The following TRPV4 variants were observed in gnomAD, a reference collection of about 807,000 sequenced individuals.
TRPV4 encodes the protein OSM9-like transient receptor potential channel 4.
A neutral mutation model predicts 84.1 loss-of-function variants in TRPV4; 58 were observed. The observed-to-expected ratio is 0.69, with a 90% CI of 0.56 to 0.86. The LOEUF (loss-of-function observed/expected upper bound fraction) is 0.86. Among genes scored for constraint, TRPV4 ranks in the 40% least tolerant of loss-of-function variants. The pLI, the probability that TRPV4 is intolerant of heterozygous loss-of-function variation, is 0.00. For missense variants in TRPV4, 879 were observed against 1,181.1 expected (o/e 0.74, Z 3.75); for synonymous variants, 489 against 500.9 (o/e 0.98, Z 0.32).
At chr12:109,788,828 G>T in intron 12 of TRPV4, 112 bp from the exon 13 acceptor site, 1 of 1,248,828 alleles carries the variant, frequency 8.0e-7, no homozygotes, top group Non-Finnish European at 1.1e-6. Flanking sequence ...AGCGGAGCAC[G>T]CTGGCCCACA....
chr12:109,822,848 G>T (rs1001758651), intron 1 of TRPV4, among the ~76,000 whole-genome samples: 1 of 152,228 alleles, frequency 6.6e-6, no homozygotes, highest in Non-Finnish European at 1.5e-5. Flanking sequence ...ACTGAGCCCA[G>T]TGCCTGGTAC....
rs770836806 is a variant in TRPV4 at position 109,788,386 on chromosome 12, C to T, written c.2208+14G>A. 5.6e-6 allele frequency: 9 copies of T among 1,609,964 alleles called. No homozygotes were observed. The highest frequency in any genetic ancestry group is 5.9e-6 in the Non-Finnish European group (7 of 1,178,516). ...GTGGCTGGTAGAGTGGGGCTGGGGGCCCTGGGGCCTCACCTGCAGCTTCCA... is the reference window on the plus strand; with the variant it reads ...GTGGCTGGTAGAGTGGGGCTGGGGGTCCTGGGGCCTCACCTGCAGCTTCCA... On this transcript the variant is annotated intron_variant, in intron 13 of 15. Transcript: ENST00000261740.
At chr12:109,801,370 G>A (rs899243862) in intron 4 of TRPV4, among the ~76,000 whole-genome samples, 5 of 152,138 alleles carry the variant, frequency 3.3e-5, no homozygotes, top group African/African-American at 4.8e-5. Flanking sequence ...TTTAATCATG[G>A]GGGCAGTTAC....
At chr12:109,826,917 C>T (rs898786733) in intron 1 of TRPV4, among the ~76,000 whole-genome samples, 1 of 152,196 alleles carries the variant, frequency 6.6e-6, no homozygotes, top group Admixed American at 6.5e-5. Context: ...TGATGTCACT[C>T]GGACAAAAGC....
chr12:109,801,483 T>C (rs1890779999), intron 4 of TRPV4, among the ~76,000 whole-genome samples: 1 of 152,170 alleles, frequency 6.6e-6, no homozygotes, highest in African/African-American at 2.4e-5. Context: ...CCTACCACCA[T>C]GTGAAGAAGG....
In TRPV4 at chr12:109,783,532, G is replaced by A. The variant is rs1889465630; in HGVS notation, c.*89C>T. Reference sequence around the variant, plus strand: ...GTCCCTCGCCTCTGGGGCCAAAGCAGGGTGTGGGGGGACACCCCAGAAGGC... The same window carrying A: ...GTCCCTCGCCTCTGGGGCCAAAGCAAGGTGTGGGGGGACACCCCAGAAGGC... On this transcript the variant is annotated 3_prime_UTR_variant, in exon 16 of 16. Coordinates refer to ENST00000261740, the MANE Select transcript of TRPV4 (RefSeq NM_021625.5). This position sits in a 1 kb window ranked among gnomAD's most constrained non-coding sequence, Gnocchi z 4.6. 6.6e-7 allele frequency: 1 copy of A among 1,521,972 alleles called. No individual in the cohort carries two copies. The highest frequency in any genetic ancestry group is 8.9e-7 in the Non-Finnish European group (1 of 1,125,406). The allele number at this position is 1,521,972 out of a possible 1,614,324, so 94.3% of individuals were successfully genotyped here.
chr12:109,807,612 C>T (rs994469638), intron 3 of TRPV4, among the ~76,000 whole-genome samples: 6 of 152,234 alleles, frequency 3.9e-5, no homozygotes, highest in African/African-American at 1.4e-4. Flanking sequence ...TAATGGCTTA[C>T]CCAGAACCCA....
intron 3 of TRPV4, among the ~76,000 whole-genome samples, chr12:109,803,875 C>G (rs954105378): frequency 1.3e-5 from 2 of 152,208 alleles, no homozygotes; most frequent in Non-Finnish European, 2.9e-5. Context: ...CATACACTAA[C>G]AGGGACTGTG....
intron 7 of TRPV4, 145 bp from the exon 8 acceptor site, chr12:109,794,632 T>A: frequency 5.8e-6 from 5 of 863,608 alleles, no homozygotes; most frequent in Non-Finnish European, 9.5e-6. Context: ...CACGGATTCA[T>A]GAATGGATTC....
intron 1 of TRPV4, among the ~76,000 whole-genome samples, chr12:109,823,785 G>C (rs527391824): frequency 5.3e-5 from 8 of 152,130 alleles, no homozygotes; most frequent in Non-Finnish European, 1.0e-4. Flanking sequence ...CGTTTTAAAA[G>C]ACTGAGTTAT....
rs1179959263 is a variant in TRPV4 at position 109,786,086 on chromosome 12, A to G, written c.2336+624T>C. 1.3e-5 allele frequency among the ~76,000 whole-genome samples: 2 copies of G among 152,180 alleles called. No homozygotes were observed. Among genetic ancestry groups the G allele is most frequent in the East Asian group, 3.9e-4 (2 of 5,180 alleles). On this transcript the variant is annotated intron_variant, in intron 14 of 15. Transcript: ENST00000261740. This position sits in a 1 kb window ranked among gnomAD's most constrained non-coding sequence, Gnocchi z 4.5. ...TATTGTTCCCATTTCACAGATGAAG[A>G]AACTGACTTTGTCTGACTCCAAACA...
At chr12:109,817,776 A>G (rs1249739385) in intron 1 of TRPV4, among the ~76,000 whole-genome samples, 1 of 152,236 alleles carries the variant, frequency 6.6e-6, no homozygotes, top group Non-Finnish European at 1.5e-5. Flanking sequence ...AACCAAGGAC[A>G]GTTCTGCTCC....
At chr12:109,801,376 G>T (rs899535073) in intron 4 of TRPV4, among the ~76,000 whole-genome samples, 1 of 152,190 alleles carries the variant, frequency 6.6e-6, no homozygotes, top group African/African-American at 2.4e-5. Context: ...CATGGGGGCA[G>T]TTACCCTCAT....
At chr12:109,829,615 G>T (rs1892357365) in intron 1 of TRPV4, among the ~76,000 whole-genome samples, 1 of 152,238 alleles carries the variant, frequency 6.6e-6, no homozygotes, top group Admixed American at 6.5e-5. Context: ...GACAAGGGGA[G>T]CTGACACGGG....
At chr12:109,788,367 G>T (rs150463359) in intron 13 of TRPV4, 33 bp downstream of exon 13, 11 of 1,600,016 alleles carry the variant, frequency 6.9e-6, no homozygotes, top group African/African-American at 1.3e-5. Flanking sequence ...GAGGGTGGCT[G>T]GTAGAGTGGG....
intron 1 of TRPV4, among the ~76,000 whole-genome samples, chr12:109,823,293 C>T (rs1167282670): frequency 6.6e-6 from 1 of 152,238 alleles, no homozygotes; most frequent in East Asian, 1.9e-4. Context: ...GCTGGGCCCC[C>T]ACCCCATGCA....
At chr12:109,827,489 C>T (rs1428522997) in intron 1 of TRPV4, among the ~76,000 whole-genome samples, 1 of 152,026 alleles carries the variant, frequency 6.6e-6, no homozygotes, top group East Asian at 1.9e-4. Flanking sequence ...CAACCCCATG[C>T]CCCCTGTCCC....
intron 13 of TRPV4, among the ~76,000 whole-genome samples, chr12:109,787,245 G>T (rs1378512100): frequency 6.6e-6 from 1 of 152,134 alleles, no homozygotes; most frequent in South Asian, 2.1e-4. Flanking sequence ...CAGAAATCTG[G>T]GTTTTCATAG....
intron 5 of TRPV4, among the ~76,000 whole-genome samples, chr12:109,799,152 T>C: frequency 6.6e-6 from 1 of 150,716 alleles, no homozygotes; most frequent in African/African-American, 2.5e-5. Context: ...ATGATGGAAT[T>C]CTTTTTTTTT....
Sources: gnomAD v4.1 joint callset for allele counts (sites outside exome capture counted in the v4.1 genomes callset) on GRCh38, gnomAD v4.1.1 for gene constraint, Gnocchi (gnomAD v3.1) non-coding constraint, MANE v1.5 for transcripts, NCBI Gene and HGNC (gene_info 2026-07-23, HGNC 2026-07-21) for gene names.